The following MLYCD variants were observed in gnomAD, a reference collection of about 807,000 sequenced individuals.
MLYCD encodes the protein malonyl-CoA decarboxylase.
Under a neutral mutation model 35.8 loss-of-function variants are expected in MLYCD, and 27 were observed. That is an observed-to-expected ratio of 0.75 (90% CI 0.56 to 1.04). The LOEUF (loss-of-function observed/expected upper bound fraction) is 1.04, where lower values mean the gene tolerates loss of function less well. Ranked by LOEUF, MLYCD falls within the 50% of genes least tolerant of loss-of-function variation. The probability of loss-of-function intolerance (pLI) is 0.00; values close to 1 mark genes in which losing one functional copy is unlikely to be tolerated. For synonymous variants in MLYCD, 403 were observed against 302.4 expected (o/e 1.33, Z -3.45); for missense variants, 917 against 665.1 (o/e 1.38, Z -4.17).
chr16:83,908,678 G>C (rs1907066850), intron 3 of MLYCD, among the ~76,000 whole-genome samples: 1 of 152,200 alleles, frequency 6.6e-6, no homozygotes, highest in Non-Finnish European at 1.5e-5. Flanking sequence ...TTAGAAAATT[G>C]AAAGAGGCAC....
In MLYCD at chr16:83,899,499, G is replaced by T. The variant is rs779658559; in HGVS notation, c.355G>T (p.Ala119Ser). 3.4e-5 allele frequency: 53 copies of T among 1,570,366 alleles called. No homozygotes were observed. The highest frequency in any genetic ancestry group is 4.5e-5 in the Non-Finnish European group (52 of 1,168,526). The change falls in exon 1 of 5, where the codon GCG becomes TCG. Residue 119 changes from alanine to serine, a missense_variant. Physicochemically the swap from Ala to Ser is moderately conservative, Grantham distance 99. Coordinates refer to ENST00000262430, the MANE Select transcript of MLYCD (RefSeq NM_012213.3). Reference protein sequence around the residue: ...VLHLRQQQREAAVLLQAEDRL... With the variant: ...VLHLRQQQRESAVLLQAEDRL... ...CCATCTGCGCCAGCAGCAGCGGGAG[G>T]CGGCGGTGCTGCTGCAGGCCGAGGA...
At position 83,915,225 on chromosome 16, in the gene MLYCD, GT is replaced by G. The variant is rs1280990622; in HGVS notation, c.1219del (p.Tyr407MetfsTer10). ...TGATGAGGCTGTGCGCCTGGTACCTGTATGGAGAGAAGCACCGCGGCTACGC... is the reference window on the plus strand; with the variant it reads ...TGATGAGGCTGTGCGCCTGGTACCTGATGGAGAGAAGCACCGCGGCTACGC... ...PLMRLCAWYLYGEKHRGYALN... is the reference protein window; with the variant it reads ...PLMRLCAWYLXGEKHRGYALN... On this transcript the variant is annotated frameshift_variant, in exon 5 of 5. Transcript: ENST00000262430. LOFTEE classifies it high-confidence loss of function. 6.2e-7 allele frequency: 1 copy of G among 1,613,696 alleles called. No homozygotes were observed. The highest frequency in any genetic ancestry group is 8.5e-7 in the Non-Finnish European group (1 of 1,179,608).
At position 83,915,522 on chromosome 16, in the gene MLYCD, C is replaced by T; in HGVS notation, c.*33C>T. The T allele has an allele frequency of 1.9e-6, 3 of 1,602,870 alleles. No individual in the cohort carries two copies. Among genetic ancestry groups the T allele is most frequent in the Non-Finnish European group, 2.5e-6 (3 of 1,179,422 alleles). On this transcript the variant is annotated 3_prime_UTR_variant, in exon 5 of 5. Transcript: ENST00000262430. ...CCTCTCCTAAAGCACAGGGCCCCGG[C>T]TAAGAAAACGATCATTTTCAGGAGG...
At position 83,899,612 on chromosome 16, in the gene MLYCD, G is replaced by C. The variant is rs886052357; in HGVS notation, c.468G>C (p.Gln156His). The C allele has an allele frequency of 1.3e-6, 2 of 1,577,040 alleles. No homozygotes were observed. The highest frequency in any genetic ancestry group is 1.7e-6 in the Non-Finnish European group (2 of 1,170,440). Residue 156 changes from glutamine (Q) to histidine (H), a missense_variant, in exon 1 of 5, where the codon CAG becomes CAC. By Grantham distance (24) the Gln-to-His change is conservative. Transcript: ENST00000262430. ...ACGGCGGCGTGCGCTTCCTGGTGCA[G>C]CTGCGGGCCGACCTGCTGGAGGCGC... ...KLDGGVRFLV[Q>H]LRADLLEAQA...
rs369287252 is a variant in MLYCD at position 83,915,297 on chromosome 16, G to C, written c.1290G>C (p.Leu430=). The C allele has an allele frequency of 6.2e-7, 1 of 1,613,668 alleles. No homozygotes were observed. The highest frequency in any genetic ancestry group is 8.5e-7 in the Non-Finnish European group (1 of 1,179,748). ...TCCACCTGCAGAACGGGGCGGTGCTGTGGCGCATCAACTGGATGGCGGATG... is the reference window on the plus strand; with the variant it reads ...TCCACCTGCAGAACGGGGCGGTGCTCTGGCGCATCAACTGGATGGCGGATG... ...ANFHLQNGAV[L]WRINWMADVS... The change falls in exon 5 of 5, where the codon CTG becomes CTC. Residue 430 remains leucine, a synonymous_variant. Transcript: ENST00000262430.
chr16:83,903,823 G>C (rs928805639), intron 1 of MLYCD, among the ~76,000 whole-genome samples: 6 of 152,160 alleles, frequency 3.9e-5, no homozygotes, highest in African/African-American at 1.4e-4. Flanking sequence ...GCTGCCCTTA[G>C]CATCACCAGG....
In MLYCD at chr16:83,920,406, C is replaced by G. The variant is rs1318003470; in HGVS notation, c.*4917C>G. 1 of 152,256 alleles carries G rather than the reference C, an allele frequency of 6.6e-6. No individual in the cohort carries two copies. Among genetic ancestry groups the G allele is most frequent in the Non-Finnish European group, 1.5e-5 (1 of 68,062 alleles). The allele number at this position is 152,256 out of a possible 1,614,324, so 9.4% of individuals were successfully genotyped here. ...CAGACCTAAAGCCAGCCAGAATGTT[C>G]TGTGTCAGAGAGCCCTGTCCAATGG... is the stretch of plus-strand genomic sequence containing the variant. On this transcript the variant is annotated 3_prime_UTR_variant, in exon 5 of 5. Coordinates refer to ENST00000262430, the MANE Select transcript of MLYCD (RefSeq NM_012213.3).
At position 83,922,651 on chromosome 16, in the gene MLYCD, A is replaced by G. The variant is rs1907692018; in HGVS notation, c.*7162A>G. The G allele has an allele frequency of 6.6e-6, 1 of 152,262 alleles. No individual in the cohort carries two copies. Among genetic ancestry groups the G allele is most frequent in the Non-Finnish European group, 1.5e-5 (1 of 68,064 alleles). 9.4% of individuals were successfully genotyped at this position (152,262 alleles called of 1,614,324 possible). On this transcript the variant is annotated 3_prime_UTR_variant, in exon 5 of 5. Coordinates refer to ENST00000262430, the MANE Select transcript of MLYCD (RefSeq NM_012213.3). ...AGTACCGACCCCACAGCCTGCTGAG[A>G]GGCTCAAAGGAGACGATGTATATAA...
At chr16:83,908,911 A>G (rs183830036) in intron 3 of MLYCD, among the ~76,000 whole-genome samples, 51 of 152,254 alleles carry the variant, frequency 3.3e-4, no homozygotes, top group Non-Finnish European at 6.0e-4. Flanking sequence ...GGAGCATGAG[A>G]CCCCTGGGGC....
In MLYCD at chr16:83,911,600, G is replaced by A. The variant is rs540673533; in HGVS notation, c.799-618G>A. ...GCTAAGCGACTTCCCAGTCTAGCTC[G>A]TTTCTTAGAATGCCTCGCAGGGATG... On this transcript the variant is annotated intron_variant, in intron 3 of 4. Coordinates refer to ENST00000262430, the MANE Select transcript of MLYCD (RefSeq NM_012213.3). 12 of 155,494 alleles carry A rather than the reference G, an allele frequency of 7.7e-5. No homozygotes were observed. In the South Asian group the frequency reaches 2.0e-3, roughly 25 times the overall value. The allele number at this position is 155,494 out of a possible 1,614,324, so 9.6% of individuals were successfully genotyped here.
Position 83,899,570 on chromosome 16 carries a change from C to T in MLYCD, c.426C>T (p.His142=), listed in dbSNP as rs923281597. The T allele has an allele frequency of 3.3e-5, 52 of 1,593,424 alleles. No individual in the cohort carries two copies. Among genetic ancestry groups the T allele is most frequent in the East Asian group, 6.8e-5 (3 of 44,442 alleles). ...TGCCGCGCTATCGCGGCCTCTTCCA[C>T]CACATCAGCAAGCTGGACGGCGGCG... is the stretch of plus-strand genomic sequence containing the variant. ...ALVPRYRGLF[H]HISKLDGGVR... Residue 142 remains histidine (H), a synonymous_variant, in exon 1 of 5, where the codon CAC becomes CAT. Coordinates refer to ENST00000262430, the MANE Select transcript of MLYCD (RefSeq NM_012213.3).
At position 83,916,192 on chromosome 16, in the gene MLYCD, G is replaced by A. The variant is rs1190784489; in HGVS notation, c.*703G>A. 1 of 988,434 alleles carries A rather than the reference G, an allele frequency of 1.0e-6. No homozygotes were observed. Among genetic ancestry groups the A allele is most frequent in the Non-Finnish European group, 1.2e-6 (1 of 830,820 alleles). The allele number at this position is 988,434 out of a possible 1,614,324, so 61.2% of individuals were successfully genotyped here. On this transcript the variant is annotated 3_prime_UTR_variant, in exon 5 of 5. Coordinates refer to ENST00000262430, the MANE Select transcript of MLYCD (RefSeq NM_012213.3). ...TCTGTAAAGCATTGAACATCTGATT[G>A]TGTAGTGGTGGTCGTCTTTAAGATT...
intron 4 of MLYCD, chr16:83,912,670 C>G (rs993215361): frequency 2.4e-6 from 1 of 409,110 alleles, no homozygotes; most frequent in Non-Finnish European, 4.6e-6. Flanking sequence ...GGTCAGGACA[C>G]TCTGGATTTC....
chr16:83,910,803 T>C (rs1275585170), intron 3 of MLYCD, among the ~76,000 whole-genome samples: 1 of 152,006 alleles, frequency 6.6e-6, no homozygotes, highest in African/African-American at 2.4e-5. Flanking sequence ...CGGGCCCCTC[T>C]CGGGCCTCGG....
rs76875856 is a variant in MLYCD at position 83,922,084 on chromosome 16, G to A, written c.*6595G>A. The A allele has an allele frequency of 0.045, 6,898 of 152,254 alleles. 230 individuals are homozygous for A. The highest frequency in any genetic ancestry group is 0.11 in the East Asian group (587 of 5,158). The allele number at this position is 152,254 out of a possible 1,614,324, so 9.4% of individuals were successfully genotyped here. ...CAGCAGTGTTGGGCTCACCGTAGCT[G>A]CACAATAAATTGTCATGAGTGCTTT... On this transcript the variant is annotated 3_prime_UTR_variant, in exon 5 of 5. Coordinates refer to ENST00000262430, the MANE Select transcript of MLYCD (RefSeq NM_012213.3).
At chr16:83,911,908 T>G (rs1183854169) in intron 3 of MLYCD, 1 of 389,834 alleles carries the variant, frequency 2.6e-6, no homozygotes, top group Non-Finnish European at 4.9e-6. Context: ...TGGAGCAAGT[T>G]TTTGTTTGCA....
At position 83,907,053 on chromosome 16, in the gene MLYCD, C is replaced by G; in HGVS notation, c.595C>G (p.Arg199Gly). The G allele has an allele frequency of 6.2e-7, 1 of 1,614,156 alleles. No homozygotes were observed. Among genetic ancestry groups the G allele is most frequent in the African/African-American group, 1.3e-5 (1 of 75,016 alleles). ...TTCCTCCGGGTTCCTGAACCTAGAACGGGTTACCTGGCATTCACCGTGTGA... is the reference window on the plus strand; with the variant it reads ...TTCCTCCGGGTTCCTGAACCTAGAAGGGGTTACCTGGCATTCACCGTGTGA... ...WFSSGFLNLE[R>G]VTWHSPCEVL... The change falls in exon 2 of 5, where the codon CGG becomes GGG. Residue 199 changes from arginine (R) to glycine (G), a missense_variant. By Grantham distance (125) the Arg-to-Gly change is moderately radical. Transcript: ENST00000262430.
At chr16:83,906,125 G>C (rs1048503954) in intron 1 of MLYCD, among the ~76,000 whole-genome samples, 1 of 152,170 alleles carries the variant, frequency 6.6e-6, no homozygotes. Flanking sequence ...AGTGGCTGAC[G>C]CCTGTAATCC....
chr16:83,908,054 T>C (rs1907041960), intron 2 of MLYCD, 72 bp from the exon 3 acceptor site: 8 of 1,578,396 alleles, frequency 5.1e-6, no homozygotes, highest in South Asian at 1.1e-5. Flanking sequence ...AGACGAATAG[T>C]ATGAATAGGA....
Sources: gnomAD v4.1 joint callset for allele counts (sites outside exome capture counted in the v4.1 genomes callset) on GRCh38, gnomAD v4.1.1 for gene constraint, MANE v1.5 for transcripts, NCBI Gene and HGNC (gene_info 2026-07-23, HGNC 2026-07-21) for gene names.